Variants in PRTFDC1 observed in about 807,000 individuals in gnomAD.
PRTFDC1 encodes phosphoribosyl transferase domain containing 1.
PRTFDC1 carries 38 observed loss-of-function variants against 34.6 expected under a neutral mutation model. The observed-to-expected ratio is 1.10, with a 90% CI of 0.85 to 1.44. The LOEUF (loss-of-function observed/expected upper bound fraction) is 1.44. Ranked by LOEUF, PRTFDC1 falls within the 40% of genes most tolerant of loss-of-function variation. PRTFDC1 has a pLI of 0.00. For synonymous variants in PRTFDC1, 93 were observed against 98.1 expected, an observed-to-expected ratio of 0.95 and a Z score of 0.31; for missense variants, 270 against 283.0, an observed-to-expected ratio of 0.95 and a Z score of 0.33.
chr10:24,925,815 G>A (rs1017155760), intron 3 of PRTFDC1, among the ~76,000 whole-genome samples: 1 of 152,052 alleles, frequency 6.6e-6, no homozygotes, highest in Non-Finnish European at 1.5e-5. Flanking sequence ...TCATCAAATC[G>A]CTAGGAAGAA....
chr10:24,864,016 A>G (rs985726415), intron 4 of PRTFDC1, among the ~76,000 whole-genome samples: 29 of 147,388 alleles, frequency 2.0e-4, no homozygotes, highest in Non-Finnish European at 3.3e-4. Flanking sequence ...CTCGTCTCAA[A>G]AAAAAAAAAA....
intron 3 of PRTFDC1, among the ~76,000 whole-genome samples, chr10:24,898,674 C>T (rs1357496115): frequency 6.6e-6 from 1 of 152,054 alleles, no homozygotes; most frequent in Non-Finnish European, 1.5e-5. Context: ...CTCCAAACTC[C>T]AGTGTGAAAA....
chr10:24,932,272 A>G, intron 3 of PRTFDC1, among the ~76,000 whole-genome samples: 1 of 151,976 alleles, frequency 6.6e-6, no homozygotes, highest in Admixed American at 6.5e-5. Context: ...CCCACCATTC[A>G]TATTCAGGAG....
At chr10:24,893,401 GT>G (rs1229208791) in intron 3 of PRTFDC1, among the ~76,000 whole-genome samples, 1 of 152,088 alleles carries the variant, frequency 6.6e-6, no homozygotes, top group Non-Finnish European at 1.5e-5. Context: ...CAATCCTTCT[GT>G]TTAGGCCTCC....
chr10:24,947,337 A>T (rs1333292865), intron 1 of PRTFDC1, among the ~76,000 whole-genome samples: 3 of 152,212 alleles, frequency 2.0e-5, no homozygotes, highest in African/African-American at 7.2e-5. Flanking sequence ...TTGTAAATAA[A>T]TCAAAACCTG....
At chr10:24,849,925 C>G (rs1847454919) in intron 8 of PRTFDC1, 34 bp from the exon 9 acceptor site, 2 of 1,607,816 alleles carry the variant, frequency 1.2e-6, no homozygotes, top group East Asian at 2.2e-5. Flanking sequence ...GCATCAGTTT[C>G]TTAACAAAAT....
At chr10:24,882,567 C>G (rs923657395) in intron 3 of PRTFDC1, among the ~76,000 whole-genome samples, 5 of 152,202 alleles carry the variant, frequency 3.3e-5, no homozygotes, top group Non-Finnish European at 5.9e-5. Context: ...AGCAACACTT[C>G]CTGTTATGTC....
Position 24,952,571 on chromosome 10 carries a change from G to A in PRTFDC1, c.5C>T (p.Ala2Val), listed in dbSNP as rs1302140180. The A allele has an allele frequency of 1.9e-6, 3 of 1,584,402 alleles. No homozygotes were observed. The highest frequency in any genetic ancestry group is 2.6e-6 in the Non-Finnish European group (3 of 1,164,936). Residue 2 changes from alanine (A) to valine (V), a missense_variant, in exon 1 of 9, where the codon GCC (alanine) becomes GTC (valine). Ala to Val is a moderately conservative substitution (Grantham distance 64). Transcript: ENST00000320152. This position sits in a 1 kb window ranked among gnomAD's most constrained non-coding sequence, Gnocchi z 5.1. ...GTCTGGCGCCTCCTCGCTGCTCCCG[G>A]CCATGTTTCTCCCGGGGAACGCGGG... M[A>V]GSSEEAPDYG...
intron 4 of PRTFDC1, among the ~76,000 whole-genome samples, chr10:24,868,977 G>A (rs1847832707): frequency 6.6e-6 from 1 of 152,184 alleles, no homozygotes; most frequent in Non-Finnish European, 1.5e-5. Flanking sequence ...AATGCGTAAT[G>A]AGCAGGTCAG....
At chr10:24,854,795 G>A (rs965054063) in intron 7 of PRTFDC1, among the ~76,000 whole-genome samples, 1 of 152,146 alleles carries the variant, frequency 6.6e-6, no homozygotes, top group Non-Finnish European at 1.5e-5. Flanking sequence ...GTGAAGGGGA[G>A]CTGTCTTAGA....
chr10:24,900,285 T>C (rs755115712), intron 3 of PRTFDC1, among the ~76,000 whole-genome samples: 2 of 152,256 alleles, frequency 1.3e-5, no homozygotes, highest in Non-Finnish European at 2.9e-5. Flanking sequence ...AAACGGAACA[T>C]TGCCCTGGTC....
chr10:24,874,512 C>T (rs1406416574), intron 3 of PRTFDC1, among the ~76,000 whole-genome samples: 2 of 152,156 alleles, frequency 1.3e-5, no homozygotes, highest in Non-Finnish European at 2.9e-5. Context: ...TTGAATACAA[C>T]TACTAAACTA....
At chr10:24,864,286 G>A (rs1847737286) in intron 4 of PRTFDC1, among the ~76,000 whole-genome samples, 1 of 152,230 alleles carries the variant, frequency 6.6e-6, no homozygotes, top group African/African-American at 2.4e-5. Flanking sequence ...TGATAAAGCA[G>A]TAGCATGGCT....
rs1279902435 is a variant in PRTFDC1 at position 24,903,085 on chromosome 10, C to A, written c.340-31022G>T. On this transcript the variant is annotated intron_variant, in intron 3 of 8. Transcript: ENST00000320152. ...TGGTGGCAGGCACCTGTAATCCCAG[C>A]TATTCAGGAGGCTGAGACAGGAGAA... is the stretch of plus-strand genomic sequence containing the variant. 5.9e-5 allele frequency among the ~76,000 whole-genome samples: 9 copies of A among 152,130 alleles called. 1 individual carries two copies. Among genetic ancestry groups the A allele is most frequent in the Admixed American group, 5.9e-4 (9 of 15,272 alleles).
intron 3 of PRTFDC1, among the ~76,000 whole-genome samples, chr10:24,892,744 C>T (rs911719623): frequency 1.3e-5 from 2 of 151,976 alleles, no homozygotes; most frequent in Non-Finnish European, 2.9e-5. Flanking sequence ...TGGGGTATTT[C>T]ACAAGGCAAG....
intron 4 of PRTFDC1, among the ~76,000 whole-genome samples, chr10:24,861,957 T>A (rs899050495): frequency 2.7e-4 from 41 of 151,978 alleles, no homozygotes; most frequent in African/African-American, 9.9e-4. Context: ...ATTCTTATTA[T>A]AGAAAGTGCA....
rs375294113 is a variant in PRTFDC1, at chr10:24,930,375, A to G, written c.339+6809T>C. Among the ~76,000 whole-genome samples, 43 of 152,198 alleles carry G rather than the reference A, an allele frequency of 2.8e-4. 1 individual carries two copies. The East Asian group carries it at 7.9e-3, about 28-fold the overall frequency. On this transcript the variant is annotated intron_variant, in intron 3 of 8. Transcript: ENST00000320152. ...ACAGAAAAACCCAGTGTTAATATTC[A>G]TTTTCTTAGAAGGTACTACTTGATA... is the stretch of plus-strand genomic sequence containing the variant.
At chr10:24,860,752 G>C (rs1847665950) in intron 4 of PRTFDC1, among the ~76,000 whole-genome samples, 1 of 152,080 alleles carries the variant, frequency 6.6e-6, no homozygotes, top group South Asian at 2.1e-4. Context: ...ACTGCCAGGG[G>C]AGTCCTCTTG....
intron 5 of PRTFDC1, 164 bp from the exon 6 acceptor site, chr10:24,857,159 C>A (rs41307555): frequency 6.1e-6 from 4 of 655,414 alleles, no homozygotes; most frequent in Non-Finnish European, 1.1e-5. Flanking sequence ...TTTAGACAGG[C>A]GCTTCTTTCT....
Sources: gnomAD v4.1 joint callset for allele counts (sites outside exome capture counted in the v4.1 genomes callset) on GRCh38, gnomAD v4.1.1 for gene constraint, Gnocchi (gnomAD v3.1) non-coding constraint, MANE v1.5 for transcripts, NCBI Gene and HGNC (gene_info 2026-07-23, HGNC 2026-07-21) for gene names.